The following GPR152 variants were observed in gnomAD, a reference collection of about 807,000 sequenced individuals.
The protein encoded by GPR152 is G protein-coupled receptor 152.
For missense variants in GPR152, 549 were observed against 617.2 expected, an observed-to-expected ratio of 0.89 and a Z score of 1.17; for synonymous variants, 278 against 289.0, an observed-to-expected ratio of 0.96 and a Z score of 0.39.
chr11:67,451,740 C>T lies in GPR152; in HGVS notation c.985G>A (p.Glu329Lys), dbSNP rs375373196. The change falls in exon 1 of 1, where the codon GAG (glutamate) becomes AAG (lysine). Residue 329 changes from glutamate (E) to lysine (K), a missense_variant. Glu to Lys is a moderately conservative substitution (Grantham distance 56, BLOSUM62 1). Coordinates refer to ENST00000312457, the MANE Select transcript of GPR152 (RefSeq NM_206997.1). ...TCAGAATCTAGCTGGGTCTGTGGCT[C>T]AGTGGGCGTGAAGCTGCCCGGCCGC... ...EERPGSFTPTEPQTQLDSEGP... is the reference protein window; with the variant it reads ...EERPGSFTPTKPQTQLDSEGP... 1.2e-6 allele frequency: 2 copies of T among 1,613,472 alleles called. No homozygotes were observed.
chr11:67,452,322 A>G lies in GPR152; in HGVS notation c.403T>C (p.Cys135Arg). The change falls in exon 1 of 1, where the codon TGC becomes CGC. Residue 135 changes from cysteine (C) to arginine (R), a missense_variant. By Grantham distance (180) the Cys-to-Arg change is radical. Transcript: ENST00000312457. ...LSLDRCLLAL[C>R]PHWYPGHRPV... ...CGGTGCCCAGGGTACCAGTGTGGGC[A>G]CAGCGCCAGCAGGCAGCGGTCGAGG... is the stretch of plus-strand genomic sequence containing the variant. The G allele has an allele frequency of 1.9e-6, 3 of 1,610,850 alleles. No individual in the cohort carries two copies. Among genetic ancestry groups the G allele is most frequent in the Non-Finnish European group, 2.5e-6 (3 of 1,179,618 alleles).
In GPR152 at chr11:67,451,324, T is replaced by C. The variant is rs1864550751; in HGVS notation, c.1401A>G (p.Ala467=). The C allele has an allele frequency of 1.3e-6, 2 of 1,570,246 alleles. No homozygotes were observed. Among genetic ancestry groups the C allele is most frequent in the Admixed American group, 1.8e-5 (1 of 55,540 alleles). The change falls in exon 1 of 1, where the codon GCA becomes GCG. Residue 467 remains alanine (A), a synonymous_variant. Coordinates refer to ENST00000312457, the MANE Select transcript of GPR152 (RefSeq NM_206997.1). ...TGTTCCTGGACCCTCACGTGGGGCC[T>C]GCGCCCGGGGCCGCCTCTGGCGGGG... The part of the protein sequence containing the change: ...SSTPPEAAPG[A]GPT
chr11:67,452,700 G>A lies in GPR152; in HGVS notation c.25C>T (p.Leu9=), dbSNP rs760372344. 4 of 1,583,108 alleles carry A rather than the reference G, an allele frequency of 2.5e-6. No individual in the cohort carries two copies. Among genetic ancestry groups the A allele is most frequent in the Non-Finnish European group, 3.4e-6 (4 of 1,161,094 alleles). Residue 9 remains leucine (L), a synonymous_variant, in exon 1 of 1, where the codon CTG becomes TTG. Coordinates refer to ENST00000312457, the MANE Select transcript of GPR152 (RefSeq NM_206997.1). ...CGGGGCCTGTGGCCAGTGGCACCCA[G>A]GTCAGCTTCCATGGTAGTGTCCATT... is the stretch of plus-strand genomic sequence containing the variant. The part of the protein sequence containing the change: MDTTMEAD[L]GATGHRPRTE...
At position 67,451,926 on chromosome 11, in the gene GPR152, C is replaced by A; in HGVS notation, c.799G>T (p.Val267Phe). 2 of 1,610,454 alleles carry A rather than the reference C, an allele frequency of 1.2e-6. No homozygotes were observed. Among genetic ancestry groups the A allele is most frequent in the Non-Finnish European group, 1.7e-6 (2 of 1,179,998 alleles). ...TCCCAGAGCAGGTAGCCAGAGTAGA[C>A]GTCCCACAGGAAGGCCAGGTAGAGC... ...QLLYLAFLWD[V>F]YSGYLLWEAL... The change falls in exon 1 of 1, where the codon GTC (valine) becomes TTC (phenylalanine). Residue 267 changes from valine to phenylalanine, a missense_variant. By Grantham distance (50) the Val-to-Phe change is conservative. Coordinates refer to ENST00000312457, the MANE Select transcript of GPR152 (RefSeq NM_206997.1).
Position 67,451,581 on chromosome 11 carries a change from G to A in GPR152, c.1144C>T (p.Pro382Ser). 1 of 1,614,010 alleles carries A rather than the reference G, an allele frequency of 6.2e-7. No homozygotes were observed. The highest frequency in any genetic ancestry group is 8.5e-7 in the Non-Finnish European group (1 of 1,179,992). The change falls in exon 1 of 1, where the codon CCA (proline) becomes TCA (serine). Residue 382 changes from proline to serine, a missense_variant. Transcript: ENST00000312457. Reference protein sequence around the residue: ...AQPQLNPTAQPQSDPTAQPQL... With the variant: ...AQPQLNPTAQSQSDPTAQPQL... ...GGCTGGGCTGTGGGATCCGACTGTG[G>A]CTGGGCCGTAGGGTTCAGCTGTGGC...
Position 67,452,376 on chromosome 11 carries a change from A to G in GPR152, c.349T>C (p.Ser117Pro). 4 of 1,612,600 alleles carry G rather than the reference A, an allele frequency of 2.5e-6. No homozygotes were observed. The highest frequency in any genetic ancestry group is 3.4e-6 in the Non-Finnish European group (4 of 1,179,818). ...YYFLWGVSYS[S>P]GLFLLAALSL... The stretch of plus-strand genomic sequence containing the variant: ...AGGGCGGCCAGCAGGAAGAGGCCGG[A>G]GGAGTAGGACACGCCCCATAGGAAG... Residue 117 changes from serine to proline, a missense_variant, in exon 1 of 1, where the codon TCC becomes CCC. Transcript: ENST00000312457.
At position 67,451,857 on chromosome 11, in the gene GPR152, G is replaced by A. The variant is rs774743582; in HGVS notation, c.868C>T (p.Leu290Phe). 10 of 1,613,090 alleles carry A rather than the reference G, an allele frequency of 6.2e-6. No individual in the cohort carries two copies. Among genetic ancestry groups the A allele is most frequent in the Non-Finnish European group, 8.5e-6 (10 of 1,179,984 alleles). The change falls in exon 1 of 1, where the codon CTC becomes TTC. Residue 290 changes from leucine (L) to phenylalanine (F), a missense_variant. Physicochemically the swap from Leu to Phe is conservative, Grantham distance 22. Coordinates refer to ENST00000312457, the MANE Select transcript of GPR152 (RefSeq NM_206997.1). ...GCCATGAGGCAGAGGAAGGGGCTGAGGCAGCTGTTGAGTAGGATCAGGTAG... is the reference window on the plus strand; with the variant it reads ...GCCATGAGGCAGAGGAAGGGGCTGAAGCAGCTGTTGAGTAGGATCAGGTAG... ...SDYLILLNSC[L>F]SPFLCLMASA...
Position 67,452,720 on chromosome 11 carries a change from T to C in GPR152, c.5A>G (p.Asp2Gly). 6.4e-7 allele frequency: 1 copy of C among 1,559,762 alleles called. No homozygotes were observed. The highest frequency in any genetic ancestry group is 8.7e-7 in the Non-Finnish European group (1 of 1,150,482). Reference protein sequence around the residue: MDTTMEADLGAT... With the variant: MGTTMEADLGAT... ...ACCCAGGTCAGCTTCCATGGTAGTG[T>C]CCATTTGGGGTCCCCAGAGTCCTGC... The change falls in exon 1 of 1, where the codon GAC becomes GGC. Residue 2 changes from aspartate (D) to glycine (G), a missense_variant. Physicochemically the swap from Asp to Gly is moderately conservative, Grantham distance 94. Coordinates refer to ENST00000312457, the MANE Select transcript of GPR152 (RefSeq NM_206997.1).
Position 67,451,651 on chromosome 11 carries a change from A to G in GPR152, c.1074T>C (p.Pro358=). The change falls in exon 1 of 1, where the codon CCT becomes CCC. Residue 358 remains proline, a synonymous_variant. Coordinates refer to ENST00000312457, the MANE Select transcript of GPR152 (RefSeq NM_206997.1). ...AQSQMDPVAQ[P]QVNPTLQPRS... The stretch of plus-strand genomic sequence containing the variant: ...GTGGCTGGAGTGTGGGGTTCACCTG[A>G]GGCTGGGCCACAGGATCCATCTGTG... The G allele has an allele frequency of 1.2e-6, 2 of 1,613,698 alleles. No homozygotes were observed. Among genetic ancestry groups the G allele is most frequent in the Non-Finnish European group, 1.7e-6 (2 of 1,179,968 alleles).
rs202045202 is a variant in GPR152, at chr11:67,451,991, G to A, written c.734C>T (p.Ala245Val). ...GTAGGGCAGCCTCAGGACCACATAGGCTGACAGAATGGTCCTGGCCACACG... is the reference window on the plus strand; with the variant it reads ...GTAGGGCAGCCTCAGGACCACATAGACTGACAGAATGGTCCTGGCCACACG... ...FARVARTILS[A>V]YVVLRLPYQL... is the part of the protein sequence containing the mutation. The change falls in exon 1 of 1, where the codon GCC (alanine) becomes GTC (valine). Residue 245 changes from alanine to valine, a missense_variant. Transcript: ENST00000312457. 90 of 1,611,748 alleles carry A rather than the reference G, an allele frequency of 5.6e-5. No individual in the cohort carries two copies. In the Admixed American group the frequency reaches 7.5e-4, roughly 13 times the overall value.
chr11:67,451,529 T>A lies in GPR152; in HGVS notation c.1196A>T (p.Gln399Leu). Residue 399 changes from glutamine to leucine, a missense_variant, in exon 1 of 1, where the codon CAG (glutamine) becomes CTG (leucine). Coordinates refer to ENST00000312457, the MANE Select transcript of GPR152 (RefSeq NM_206997.1). Reference sequence around the variant, plus strand: ...CTGTGGCTGGGCCACAGAATCTGACTGTGGCTGGGCCATGAGGTTCAGCTG... The same window carrying A: ...CTGTGGCTGGGCCACAGAATCTGACAGTGGCTGGGCCATGAGGTTCAGCTG... Reference protein sequence around the residue: ...QPQLNLMAQPQSDSVAQPQAD... With the variant: ...QPQLNLMAQPLSDSVAQPQAD... 1 of 1,613,992 alleles carries A rather than the reference T, an allele frequency of 6.2e-7. No individual in the cohort carries two copies. The highest frequency in any genetic ancestry group is 8.5e-7 in the Non-Finnish European group (1 of 1,179,948).
chr11:67,451,884 C>CA lies in GPR152; in HGVS notation c.840_841insT (p.Asp281Ter). On this transcript the variant is annotated frameshift_variant, in exon 1 of 1. Coordinates refer to ENST00000312457, the MANE Select transcript of GPR152 (RefSeq NM_206997.1). LOFTEE classifies it low-confidence loss of function (END_TRUNC). ...CAGCTGTTGAGTAGGATCAGGTAGT[C>CA]GGAGTAGACCAGGGCCTCCCAGAGC... The CA allele has an allele frequency of 6.2e-7, 1 of 1,612,344 alleles. No individual in the cohort carries two copies. Among genetic ancestry groups the CA allele is most frequent in the Non-Finnish European group, 8.5e-7 (1 of 1,179,982 alleles).
In GPR152 at chr11:67,452,133, C is replaced by T; in HGVS notation, c.592G>A (p.Val198Ile). The change falls in exon 1 of 1, where the codon GTC becomes ATC. Residue 198 changes from valine (V) to isoleucine (I), a missense_variant. By Grantham distance (29) the Val-to-Ile change is conservative. Transcript: ENST00000312457. Reference protein sequence around the residue: ...SEELSLRMLEVLGGFLPFLLL... With the variant: ...SEELSLRMLEILGGFLPFLLL... ...AGGAAAGGCAGGAAGCCCCCCAGGA[C>T]CTCCAGCATCCTCAGCGACAGCTCC... 1 of 1,611,214 alleles carries T rather than the reference C, an allele frequency of 6.2e-7. No homozygotes were observed. Among genetic ancestry groups the T allele is most frequent in the South Asian group, 1.1e-5 (1 of 90,962 alleles).
Position 67,452,218 on chromosome 11 carries a change from G to T in GPR152, c.507C>A (p.Phe169Leu). ...ATLFSVPWLV[F>L]PEAAVWWYDL... ...CGTACCACCAGACGGCAGCCTCGGG[G>T]AAGACCAGCCAGGGCACGCTGAAGA... is the stretch of plus-strand genomic sequence containing the variant. The change falls in exon 1 of 1, where the codon TTC (phenylalanine) becomes TTA (leucine). Residue 169 changes from phenylalanine to leucine, a missense_variant. Coordinates refer to ENST00000312457, the MANE Select transcript of GPR152 (RefSeq NM_206997.1). The T allele has an allele frequency of 3.1e-6, 5 of 1,608,720 alleles. No homozygotes were observed. Among genetic ancestry groups the T allele is most frequent in the Non-Finnish European group, 4.2e-6 (5 of 1,179,932 alleles).
rs1176633738 is a variant in GPR152, at chr11:67,452,605, C to T, written c.120G>A (p.Leu40=). 3 of 1,612,852 alleles carry T rather than the reference C, an allele frequency of 1.9e-6. No individual in the cohort carries two copies. The African/African-American group carries it at 4.0e-5, about 22-fold the overall frequency. The change falls in exon 1 of 1, where the codon CTG becomes CTA. Residue 40 remains leucine, a synonymous_variant. Coordinates refer to ENST00000312457, the MANE Select transcript of GPR152 (RefSeq NM_206997.1). ...GWDTVFLVAL[L]LLGLPANGLM... is the part of the protein sequence containing the mutation. ...ACCCATTGGCTGGCAGCCCAAGGAGCAGCAGGGCCACCAGGAAGACCGTGT... is the reference window on the plus strand; with the variant it reads ...ACCCATTGGCTGGCAGCCCAAGGAGTAGCAGGGCCACCAGGAAGACCGTGT...
Position 67,452,711 on chromosome 11 carries a change from ATGGTAGTGTCCATT to A in GPR152, c.-1_13del, listed in dbSNP as rs550973757. On this transcript the variant is annotated start_lost and 5_prime_UTR_variant, in exon 1 of 1. Transcript: ENST00000312457. ...GCCAGTGGCACCCAGGTCAGCTTCC[ATGGTAGTGTCCATT>A]TGGGGTCCCCAGAGTCCTGCTGGAC... 90 of 1,571,738 alleles carry A rather than the reference ATGGTAGTGTCCATT, an allele frequency of 5.7e-5. 1 individual carries two copies. The African/African-American group carries it at 1.1e-3, about 20-fold the overall frequency.
rs138348390 is a variant in GPR152 at position 67,452,518 on chromosome 11, G to A, written c.207C>T (p.Leu69=). ...RHGAGTRLAL[L]LLSLALSDFL... is the part of the protein sequence containing the mutation. The stretch of plus-strand genomic sequence containing the variant: ...AGTCAGAGAGGGCCAGGCTGAGCAG[G>A]AGCAGCGCCAGACGCGTGCCAGCTC... The change falls in exon 1 of 1, where the codon CTC becomes CTT. Residue 69 remains leucine (L), a synonymous_variant. Transcript: ENST00000312457. The A allele has an allele frequency of 1.6e-4, 261 of 1,608,638 alleles. No homozygotes were observed. The highest frequency in any genetic ancestry group is 2.1e-4 in the Non-Finnish European group (251 of 1,178,062).
chr11:67,451,699 T>C lies in GPR152; in HGVS notation c.1026A>G (p.Pro342=). The change falls in exon 1 of 1, where the codon CCA becomes CCG. Residue 342 remains proline (P), a synonymous_variant. Transcript: ENST00000312457. ...GTGACTGGGCCTCTGCCATCGGCTCTGGCAGAGTTGGACCCTCAGAATCTA... is the reference window on the plus strand; with the variant it reads ...GTGACTGGGCCTCTGCCATCGGCTCCGGCAGAGTTGGACCCTCAGAATCTA... ...TQLDSEGPTL[P]EPMAEAQSQM... is the part of the protein sequence containing the mutation. 5 of 1,613,900 alleles carry C rather than the reference T, an allele frequency of 3.1e-6. No individual in the cohort carries two copies. The highest frequency in any genetic ancestry group is 4.2e-6 in the Non-Finnish European group (5 of 1,180,038).
At position 67,451,500 on chromosome 11, in the gene GPR152, C is replaced by T; in HGVS notation, c.1225G>A (p.Asp409Asn). Residue 409 changes from aspartate (D) to asparagine (N), a missense_variant, in exon 1 of 1, where the codon GAC (aspartate) becomes AAC (asparagine). Physicochemically the swap from Asp to Asn is conservative, Grantham distance 23. Coordinates refer to ENST00000312457, the MANE Select transcript of GPR152 (RefSeq NM_206997.1). ...GGTGCAGGGGTCTGGACGTTAGTGT[C>T]TGCCTGTGGCTGGGCCACAGAATCT... ...QSDSVAQPQA[D>N]TNVQTPAPAA... 2 of 1,614,168 alleles carry T rather than the reference C, an allele frequency of 1.2e-6. No individual in the cohort carries two copies. The highest frequency in any genetic ancestry group is 2.2e-5 in the South Asian group (2 of 91,084).
Sources: gnomAD v4.1 joint callset for allele counts on GRCh38, gnomAD v4.1.1 for gene constraint, MANE v1.5 for transcripts, NCBI Gene and HGNC (gene_info 2026-07-23, HGNC 2026-07-21) for gene names.